ZNF74: variants seen among roughly 807,000 people sequenced by gnomAD.
The protein encoded by ZNF74 is zinc finger protein 74.
In ZNF74, 12 loss-of-function variants were observed where a neutral mutation model predicts 17.7. The observed-to-expected ratio is 0.68, with a 90% CI of 0.43 to 1.10. The LOEUF (loss-of-function observed/expected upper bound fraction) is 1.10, where lower values mean the gene tolerates loss of function less well. Among genes scored for constraint, ZNF74 ranks in the 50% least tolerant of loss-of-function variants. ZNF74 has a pLI of 0.00. For missense variants in ZNF74, 811 were observed against 881.0 expected (o/e 0.92, Z 1.01); for synonymous variants, 358 against 362.1 (o/e 0.99, Z 0.13).
chr22:20,395,334 T>A lies in ZNF74; in HGVS notation c.36T>A (p.Ala12=). Residue 12 remains alanine (A), a splice_region_variant and synonymous_variant, in exon 2 of 5, where the codon GCT becomes GCA. Coordinates refer to ENST00000400451, the MANE Select transcript of ZNF74 (RefSeq NM_003426.4). ...CTTGACTCATTTCTCCTTCGCCAGC[T>A]CTTTCCTCTCAGGATCCTGCTCTTT... ...EIPAPEPEKT[A]LSSQDPALSL... is the part of the protein sequence containing the mutation. 1.9e-6 allele frequency: 3 copies of A among 1,597,628 alleles called. No individual in the cohort carries two copies. The South Asian group carries it at 3.3e-5, about 18-fold the overall frequency.
At chr22:20,402,656 C>T (rs1261501308) in intron 4 of ZNF74, among the ~76,000 whole-genome samples, 1 of 152,118 alleles carries the variant, frequency 6.6e-6, no homozygotes, top group East Asian at 1.9e-4. Flanking sequence ...ACAAAATTAG[C>T]TGGGCATGGT....
At position 20,394,902 on chromosome 22, in the gene ZNF74, A is replaced by G. The variant is rs565852748; in HGVS notation, c.34+240A>G. The G allele has an allele frequency of 5.8e-4, 316 of 540,374 alleles. 3 individuals carry two copies. The highest frequency in any genetic ancestry group is 5.6e-3 in the African/African-American group (291 of 51,646). The allele number at this position is 540,374 out of a possible 1,614,324, so 33.5% of individuals were successfully genotyped here. A position where few individuals can be genotyped will look rare whatever the true frequency, so the allele number is the denominator to read the frequency against. ...CAACCTCCCAAGTAGTTGGGATTGCAGGCGCGCGCCACCACGCCCGGCTAA... is the reference window on the plus strand; with the variant it reads ...CAACCTCCCAAGTAGTTGGGATTGCGGGCGCGCGCCACCACGCCCGGCTAA... On this transcript the variant is annotated intron_variant, in intron 1 of 4. Transcript: ENST00000400451.
rs1419436788 is a variant in ZNF74 at position 20,406,559 on chromosome 22, T to G, written c.1526T>G (p.Phe509Cys). The change falls in exon 5 of 5, where the codon TTC becomes TGC. Residue 509 changes from phenylalanine (F) to cysteine (C), a missense_variant. Physicochemically the swap from Phe to Cys is radical, Grantham distance 205. Around this residue, in one of 3 missense-constraint regions of ZNF74, gnomAD observed 30 missense variants for 59.2 expected, o/e 0.51. Coordinates refer to ENST00000400451, the MANE Select transcript of ZNF74 (RefSeq NM_003426.4). The stretch of plus-strand genomic sequence containing the variant: ...GACTGCAGCCAGTGTTGGAAGGCCT[T>G]CAGCTGCCACTCGTCCCTCATCGTG... The part of the protein sequence containing the change: ...PFDCSQCWKA[F>C]SCHSSLIVHQ... The G allele has an allele frequency of 6.2e-7, 1 of 1,614,136 alleles. No homozygotes were observed. The highest frequency in any genetic ancestry group is 8.5e-7 in the Non-Finnish European group (1 of 1,180,014).
chr22:20,404,246 C>T (rs2052388500), intron 4 of ZNF74, among the ~76,000 whole-genome samples: 1 of 152,206 alleles, frequency 6.6e-6, no homozygotes. Flanking sequence ...AGAAACCTCC[C>T]CCTTTGACAG....
Position 20,405,947 on chromosome 22 carries a change from T to TCTG in ZNF74, c.916_918dup (p.Cys306dup). ...ATCCACACCGGCGAGAAGCCCTTCT[T>TCTG]CTGCGGCGAGTGCGGGAAGGCCTTC... is the stretch of plus-strand genomic sequence containing the variant. On this transcript the variant is annotated inframe_insertion, in exon 5 of 5. Transcript: ENST00000400451. 6.2e-7 allele frequency: 1 copy of TCTG among 1,604,834 alleles called. No individual in the cohort carries two copies. Among genetic ancestry groups the TCTG allele is most frequent in the East Asian group, 2.3e-5 (1 of 44,314 alleles).
Position 20,406,795 on chromosome 22 carries a change from T to C in ZNF74, c.1762T>C (p.Phe588Leu). 6.2e-7 allele frequency: 1 copy of C among 1,614,088 alleles called. No individual in the cohort carries two copies. The highest frequency in any genetic ancestry group is 1.7e-5 in the Admixed American group (1 of 60,032). ...HSEGKPLAIQ[F>L]NKHLLSTYYV... ...CGAGGGGAAGCCCTTGGCCATCCAG[T>C]TCAACAAACACCTGCTCAGCACATA... The change falls in exon 5 of 5, where the codon TTC becomes CTC. Residue 588 changes from phenylalanine (F) to leucine (L), a missense_variant. By Grantham distance (22) the Phe-to-Leu change is conservative. Around this residue, in one of 3 missense-constraint regions of ZNF74, gnomAD observed 115 missense variants for 119.5 expected, o/e 0.96. Transcript: ENST00000400451.
intron 4 of ZNF74, among the ~76,000 whole-genome samples, chr22:20,403,971 A>G (rs1008988063): frequency 6.6e-6 from 1 of 152,114 alleles, no homozygotes; most frequent in African/African-American, 2.4e-5. Context: ...GCTTCTGCAC[A>G]TGCTGTTCAC....
Position 20,405,701 on chromosome 22 carries a change from C to G in ZNF74, c.668C>G (p.Ala223Gly). The G allele has an allele frequency of 6.2e-7, 1 of 1,605,816 alleles. No homozygotes were observed. Among genetic ancestry groups the G allele is most frequent in the Non-Finnish European group, 8.5e-7 (1 of 1,176,362 alleles). Residue 223 changes from alanine (A) to glycine (G), a missense_variant, in exon 5 of 5, where the codon GCC (alanine) becomes GGC (glycine). By Grantham distance (60) the Ala-to-Gly change is moderately conservative. Around this residue, in one of 3 missense-constraint regions of ZNF74, gnomAD observed 666 missense variants for 702.3 expected, o/e 0.95. Coordinates refer to ENST00000400451, the MANE Select transcript of ZNF74 (RefSeq NM_003426.4). Reference sequence around the variant, plus strand: ...GCGAGACTGTGTGCAGGGGAAAACGCCTCCACGCCAAGTGAGCCAGAAAAG... The same window carrying G: ...GCGAGACTGTGTGCAGGGGAAAACGGCTCCACGCCAAGTGAGCCAGAAAAG... ...APARLCAGEN[A>G]STPSEPEKFP... is the part of the protein sequence containing the mutation.
chr22:20,398,749 T>G (rs2052325277), intron 2 of ZNF74, among the ~76,000 whole-genome samples: 1 of 152,214 alleles, frequency 6.6e-6, no homozygotes, highest in South Asian at 2.1e-4. Flanking sequence ...CTTACTTTAG[T>G]GTCTTAAGAT....
chr22:20,397,395 G>A (rs1289894880), intron 2 of ZNF74, among the ~76,000 whole-genome samples: 1 of 152,210 alleles, frequency 6.6e-6, no homozygotes, highest in African/African-American at 2.4e-5. Context: ...TTATTGAGGT[G>A]TAATTTATAT....
Position 20,401,259 on chromosome 22 carries a change from C to G in ZNF74, c.248-18C>G. The G allele has an allele frequency of 6.3e-7, 1 of 1,590,668 alleles. No individual in the cohort carries two copies. Among genetic ancestry groups the G allele is most frequent in the Non-Finnish European group, 8.6e-7 (1 of 1,162,976 alleles). Reference sequence around the variant, plus strand: ...GGAGAGCTGCAGCATGCCCAGCCCACTTTCTCTCCACGAGCAGGACCTCCA... The same window carrying G: ...GGAGAGCTGCAGCATGCCCAGCCCAGTTTCTCTCCACGAGCAGGACCTCCA... On this transcript the variant is annotated intron_variant, in intron 3 of 4. Transcript: ENST00000400451. This position sits in a 1 kb window ranked among gnomAD's most constrained non-coding sequence, Gnocchi z 4.2.
At chr22:20,403,458 G>A (rs2052380559) in intron 4 of ZNF74, among the ~76,000 whole-genome samples, 1 of 151,632 alleles carries the variant, frequency 6.6e-6, no homozygotes, top group South Asian at 2.1e-4. Flanking sequence ...CACCTAAATG[G>A]CTCTTAGATC....
intron 2 of ZNF74, among the ~76,000 whole-genome samples, chr22:20,396,262 T>C (rs564849563): frequency 6.6e-6 from 1 of 152,124 alleles, no homozygotes; most frequent in South Asian, 2.1e-4. Flanking sequence ...AAAACGTGTA[T>C]TGTGAGCTGT....
intron 2 of ZNF74, chr22:20,399,793 C>T (rs539600288): frequency 4.9e-5 from 10 of 203,198 alleles, no homozygotes; most frequent in Non-Finnish European, 8.2e-5. Flanking sequence ...TTTTGTTTCT[C>T]ATTTCCTCCC....
At position 20,405,838 on chromosome 22, in the gene ZNF74, T is replaced by C. The variant is rs1234881965; in HGVS notation, c.805T>C (p.Trp269Arg). The change falls in exon 5 of 5, where the codon TGG becomes CGG. Residue 269 changes from tryptophan to arginine, a missense_variant. Around this residue, in one of 3 missense-constraint regions of ZNF74, gnomAD observed 666 missense variants for 702.3 expected, o/e 0.95. Transcript: ENST00000400451. ...QSSSLTLHRRWHSREKAYKCD... is the reference protein window; with the variant it reads ...QSSSLTLHRRRHSREKAYKCD... ...CTCCTCCCTCACGCTGCACCGGCGC[T>C]GGCACAGCCGGGAGAAGGCTTACAA... The C allele has an allele frequency of 6.2e-7, 1 of 1,612,230 alleles. No individual in the cohort carries two copies. Among genetic ancestry groups the C allele is most frequent in the Non-Finnish European group, 8.5e-7 (1 of 1,179,654 alleles).
At position 20,405,983 on chromosome 22, in the gene ZNF74, C is replaced by T. The variant is rs1267241403; in HGVS notation, c.950C>T (p.Ser317Leu). The T allele has an allele frequency of 1.2e-6, 2 of 1,613,682 alleles. No homozygotes were observed. The highest frequency in any genetic ancestry group is 1.3e-5 in the African/African-American group (1 of 74,920). ...TGCGGGAAGGCCTTCAGCTGCCACT[C>T]GTCCCTCAACGTGCACCAGCGCATC... ...GECGKAFSCH[S>L]SLNVHQRIHT... Residue 317 changes from serine to leucine, a missense_variant, in exon 5 of 5, where the codon TCG becomes TTG. This residue lies in a region of ZNF74 where 666 missense variants were observed against 702.3 expected (regional missense o/e 0.95). Transcript: ENST00000400451.
chr22:20,400,573 C>T, intron 2 of ZNF74, 59 bp from the exon 3 acceptor site: 1 of 1,606,034 alleles, frequency 6.2e-7, no homozygotes, highest in South Asian at 1.1e-5. Context: ...CAATCTCTGG[C>T]TCCTTTGGAA....
At position 20,405,896 on chromosome 22, in the gene ZNF74, G is replaced by A. The variant is rs1344394278; in HGVS notation, c.863G>A (p.Ser288Asn). Reference sequence around the variant, plus strand: ...GAATGCGGCAAGGCCTTCACCTGGAGCACCAACCTTCTGGAGCACCGGCGC... The same window carrying A: ...GAATGCGGCAAGGCCTTCACCTGGAACACCAACCTTCTGGAGCACCGGCGC... ...CDECGKAFTW[S>N]TNLLEHRRIH... is the part of the protein sequence containing the mutation. Residue 288 changes from serine to asparagine, a missense_variant, in exon 5 of 5, where the codon AGC becomes AAC. Coordinates refer to ENST00000400451, the MANE Select transcript of ZNF74 (RefSeq NM_003426.4). The A allele has an allele frequency of 1.2e-6, 2 of 1,613,500 alleles. No individual in the cohort carries two copies. The highest frequency in any genetic ancestry group is 1.7e-6 in the Non-Finnish European group (2 of 1,179,826).
rs362022 is a variant in ZNF74 at position 20,398,316 on chromosome 22, CAAAAAAAAAAA to C, written c.121-2302_121-2292del. ...TGGGTGACAGAGTGAGACCATGTCTCAAAAAAAAAAAAAAAAAAAAAAAACCTCTCTCGGAG... is the reference window on the plus strand; with the variant it reads ...TGGGTGACAGAGTGAGACCATGTCTCAAAAAAAAAAAAACCTCTCTCGGAG... On this transcript the variant is annotated intron_variant, in intron 2 of 4. Coordinates refer to ENST00000400451, the MANE Select transcript of ZNF74 (RefSeq NM_003426.4). Among the ~76,000 whole-genome samples, 382 of 127,998 alleles carry C rather than the reference CAAAAAAAAAAA, an allele frequency of 3.0e-3. 5 individuals carry two copies. Among genetic ancestry groups the C allele is most frequent in the East Asian group, 0.03 (146 of 4,906 alleles). 84.0% of individuals were successfully genotyped at this position (127,998 alleles called of 152,430 possible).
Sources: gnomAD v4.1 joint callset for allele counts (sites outside exome capture counted in the v4.1 genomes callset) on GRCh38, gnomAD v4.1.1 for gene constraint, gnomAD v4.1.1 regional missense constraint, Gnocchi (gnomAD v3.1) non-coding constraint, MANE v1.5 for transcripts, NCBI Gene and HGNC (gene_info 2026-07-23, HGNC 2026-07-21) for gene names.